The following LIG4 variants were observed in gnomAD, a reference collection of about 807,000 sequenced individuals.
The protein encoded by LIG4 is DNA joinase.
In LIG4, 13 loss-of-function variants were observed where a neutral mutation model predicts 19.0. The ratio of observed to expected loss-of-function variants is 0.68; its 90% CI spans 0.44 to 1.09. The LOEUF (loss-of-function observed/expected upper bound fraction) is 1.09. Ranked by LOEUF, LIG4 falls within the 50% of genes least tolerant of loss-of-function variation. The pLI is 0.00. For synonymous variants in LIG4, 361 were observed against 358.2 expected (o/e 1.01, Z -0.09); for missense variants, 1,026 against 1,089.7 (o/e 0.94, Z 0.82).
At chr13:108,217,142 G>A (rs1040585862), upstream of LIG4, among the ~76,000 whole-genome samples, 4 of 152,170 alleles carry the variant, frequency 2.6e-5, no homozygotes, top group Admixed American at 6.5e-5. Flanking sequence ...ACTTTAAGAG[G>A]CTGAGGTGAG....
intron 2 of LIG4, among the ~76,000 whole-genome samples, chr13:108,213,271 A>G (rs1402357531): frequency 3.9e-5 from 6 of 152,210 alleles, no homozygotes; most frequent in Non-Finnish European, 8.8e-5. Context: ...AGGGTACACA[A>G]TGCTATATCT....
At position 108,211,314 on chromosome 13, in the gene LIG4, G is replaced by T. The variant is rs1342739234; in HGVS notation, c.-28-18C>A. 7.4e-7 allele frequency: 1 copy of T among 1,351,968 alleles called. No individual in the cohort carries two copies. The highest frequency in any genetic ancestry group is 1.7e-5 in the Admixed American group (1 of 58,456). The allele number at this position is 1,351,968 out of a possible 1,614,324, so 83.7% of individuals were successfully genotyped here. On this transcript the variant is annotated intron_variant, in intron 2 of 2. Transcript: ENST00000442234. ...TCGTTTAACTAGTAAAGCAAAAAGAGAATAACTTTAAGTAAAAGATAAGAT... is the reference window on the plus strand; with the variant it reads ...TCGTTTAACTAGTAAAGCAAAAAGATAATAACTTTAAGTAAAAGATAAGAT...
rs772634633 is a variant in LIG4 at position 108,209,749 on chromosome 13, C to T, written c.1520G>A (p.Gly507Glu). 1 of 1,614,086 alleles carries T rather than the reference C, an allele frequency of 6.2e-7. No homozygotes were observed. The highest frequency in any genetic ancestry group is 8.5e-7 in the Non-Finnish European group (1 of 1,180,000). Residue 507 changes from glycine (G) to glutamate (E), a missense_variant, in exon 3 of 3, where the codon GGG becomes GAG. By Grantham distance (98) the Gly-to-Glu change is moderately conservative. This residue lies in a region of LIG4 where 521 missense variants were observed against 515.5 expected (regional missense o/e 1.01). Transcript: ENST00000442234. Reference protein sequence around the residue: ...PSVFHTLSRVGSGCTMKELYD... With the variant: ...PSVFHTLSRVESGCTMKELYD... ...CAGTTCTTTCATGGTGCAGCCAGAC[C>T]CAACACGAGAGAGAGTATGAAACAC... is the stretch of plus-strand genomic sequence containing the variant.
At position 108,210,865 on chromosome 13, in the gene LIG4, G is replaced by C; in HGVS notation, c.404C>G (p.Pro135Arg). 1 of 1,613,912 alleles carries C rather than the reference G, an allele frequency of 6.2e-7. No individual in the cohort carries two copies. The highest frequency in any genetic ancestry group is 8.5e-7 in the Non-Finnish European group (1 of 1,179,958). The stretch of plus-strand genomic sequence containing the variant: ...TAAACTTCCTTTCTGTAAACATCTT[G>C]GCTTCAACACAAAATATGCAATCAT... ...FAMIAYFVLK[P>R]RCLQKGSLTI... The change falls in exon 3 of 3, where the codon CCA becomes CGA. Residue 135 changes from proline to arginine, a missense_variant. Around this residue, in one of 3 missense-constraint regions of LIG4, gnomAD observed 493 missense variants for 544.5 expected, o/e 0.91. Coordinates refer to ENST00000442234, the MANE Select transcript of LIG4 (RefSeq NM_206937.2).
At chr13:108,211,987 A>T (rs1346746278) in intron 2 of LIG4, among the ~76,000 whole-genome samples, 3 of 152,052 alleles carry the variant, frequency 2.0e-5, no homozygotes, top group Non-Finnish European at 4.4e-5. Flanking sequence ...CCTACCCATA[A>T]AATCCTCACT....
rs769385484 is a variant in LIG4 at position 108,209,763 on chromosome 13, A to G, written c.1506T>C (p.Thr502=). 2 of 1,614,136 alleles carry G rather than the reference A, an allele frequency of 1.2e-6. No individual in the cohort carries two copies. The highest frequency in any genetic ancestry group is 1.1e-5 in the South Asian group (1 of 91,082). The change falls in exon 3 of 3, where the codon ACT becomes ACC. Residue 502 remains threonine, a synonymous_variant. Coordinates refer to ENST00000442234, the MANE Select transcript of LIG4 (RefSeq NM_206937.2). ...TGCAGCCAGACCCAACACGAGAGAG[A>G]GTATGAAACACAGATGGCTTCTCAC... The part of the protein sequence containing the change: ...PPGEKPSVFH[T]LSRVGSGCTM...
chr13:108,214,896 C>T (rs1331286586), intron 1 of LIG4: 2 of 124,928 alleles, frequency 1.6e-5, no homozygotes, highest in African/African-American at 3.1e-5. Flanking sequence ...TCAGGCCCCC[C>T]GCCTGACGTC....
At chr13:108,214,417 T>C (rs1458665703) in intron 2 of LIG4, 121 bp downstream of exon 2, 2 of 152,036 alleles carry the variant, frequency 1.3e-5, no homozygotes, top group Non-Finnish European at 2.9e-5. Context: ...GCCTAAAGTC[T>C]CTCCCGCTCC....
rs562275994 is a variant in LIG4, at chr13:108,214,819, C to T, written c.-101-209G>A. 541 of 151,732 alleles carry T rather than the reference C, an allele frequency of 3.6e-3. 2 individuals carry two copies. The highest frequency in any genetic ancestry group is 5.2e-3 in the Non-Finnish European group (356 of 68,146). 9.4% of individuals were successfully genotyped at this position (151,732 alleles called of 1,614,324 possible). ...CCCATCACCTGCCGCTGCACAAACA[C>T]CCTGCTTGCTGCCCCCATAGACCGA... On this transcript the variant is annotated intron_variant, in intron 1 of 2. Transcript: ENST00000442234.
chr13:108,214,221 T>C (rs1878970630), intron 2 of LIG4, among the ~76,000 whole-genome samples: 1 of 152,190 alleles, frequency 6.6e-6, no homozygotes, highest in Non-Finnish European at 1.5e-5. Context: ...CATGCAACCC[T>C]TGACAAGCTG....
In LIG4 at chr13:108,209,613, A is replaced by G. The variant is rs543175901; in HGVS notation, c.1656T>C (p.Cys552=). Residue 552 remains cysteine (C), a synonymous_variant, in exon 3 of 3, where the codon TGT becomes TGC. Coordinates refer to ENST00000442234, the MANE Select transcript of LIG4 (RefSeq NM_206937.2). ...TEKPEVYIEP[C]NSVIVQIKAA... ...CTTTAATCTGAACAATGACAGAATT[A>G]CAAGGTTCAATGTATACTTCTGGCT... is the stretch of plus-strand genomic sequence containing the variant. 3 of 1,614,186 alleles carry G rather than the reference A, an allele frequency of 1.9e-6. No homozygotes were observed. The highest frequency in any genetic ancestry group is 1.7e-5 in the Admixed American group (1 of 60,026).
In LIG4 at chr13:108,210,094, ATAC is replaced by A. The variant is rs775835184; in HGVS notation, c.1172_1174del (p.Ser391del). The A allele has an allele frequency of 3.2e-5, 51 of 1,613,288 alleles. No individual in the cohort carries two copies. Among genetic ancestry groups the A allele is most frequent in the African/African-American group, 4.0e-5 (3 of 74,918 alleles). On this transcript the variant is annotated inframe_deletion, in exon 3 of 3. Transcript: ENST00000442234. ...TATTCTACCTGGAATTGGTGTAAAA[ATAC>A]TACTAAGAATCTCATACCTCTTTCT...
upstream of LIG4, among the ~76,000 whole-genome samples, chr13:108,216,525 A>G (rs996074764): frequency 3.3e-5 from 5 of 152,256 alleles, no homozygotes; most frequent in Admixed American, 2.6e-4. Context: ...GTCTAGCCCA[A>G]GAACATTCAG....
chr13:108,217,759 G>C (rs1169903273), upstream of LIG4, among the ~76,000 whole-genome samples: 1 of 151,980 alleles, frequency 6.6e-6, no homozygotes. Context: ...TAAAATAGGG[G>C]ACATAGAATA....
Position 108,211,257 on chromosome 13 carries a change from T to C in LIG4, c.12A>G (p.Ser4=). 6.2e-7 allele frequency: 1 copy of C among 1,612,190 alleles called. No homozygotes were observed. Among genetic ancestry groups the C allele is most frequent in the Non-Finnish European group, 8.5e-7 (1 of 1,179,620 alleles). Residue 4 remains serine (S), a synonymous_variant, in exon 3 of 3, where the codon TCA becomes TCG. Coordinates refer to ENST00000442234, the MANE Select transcript of LIG4 (RefSeq NM_206937.2). MAA[S]QTSQTVASHV... Reference sequence around the variant, plus strand: ...GAGATGCAACAGTTTGTGAAGTTTGTGAGGCAGCCATCAAAGCGGTGATGA... The same window carrying C: ...GAGATGCAACAGTTTGTGAAGTTTGCGAGGCAGCCATCAAAGCGGTGATGA...
Position 108,210,275 on chromosome 13 carries a change from T to A in LIG4, c.994A>T (p.Met332Leu). Residue 332 changes from methionine to leucine, a missense_variant, in exon 3 of 3, where the codon ATG becomes TTG. This residue lies in a region of LIG4 where 493 missense variants were observed against 544.5 expected (regional missense o/e 0.91). Transcript: ENST00000442234. ...TGTGTATTAGGATTATAGGCCATCA[T>A]CTCACCATCAAGAATACAGATTTGT... ...DIQICILDGE[M>L]MAYNPNTQTF... 3.7e-6 allele frequency: 6 copies of A among 1,613,992 alleles called. No individual in the cohort carries two copies. In the South Asian group the frequency reaches 6.6e-5, roughly 18 times the overall value.
Position 108,210,131 on chromosome 13 carries a change from C to T in LIG4, c.1138G>A (p.Glu380Lys). 3 of 1,613,780 alleles carry T rather than the reference C, an allele frequency of 1.9e-6. No individual in the cohort carries two copies. Among genetic ancestry groups the T allele is most frequent in the African/African-American group, 1.3e-5 (1 of 75,050 alleles). The stretch of plus-strand genomic sequence containing the variant: ...ATCTCATACCTCTTTCTCAGAGTCT[C>T]ATGCCCTAGCTTTTTATTATTAACC... Reference protein sequence around the residue: ...LMVNNKKLGHETLRKRYEILS... With the variant: ...LMVNNKKLGHKTLRKRYEILS... The change falls in exon 3 of 3, where the codon GAG becomes AAG. Residue 380 changes from glutamate (E) to lysine (K), a missense_variant. Glu to Lys is a moderately conservative substitution (Grantham distance 56). This residue lies in a region of LIG4 where 493 missense variants were observed against 544.5 expected (regional missense o/e 0.91). Transcript: ENST00000442234.
rs1412712261 is a variant in LIG4, at chr13:108,209,502, C to T, written c.1767G>A (p.Glu589=). 2.5e-6 allele frequency: 4 copies of T among 1,614,024 alleles called. No homozygotes were observed. Among genetic ancestry groups the T allele is most frequent in the Non-Finnish European group, 3.4e-6 (4 of 1,180,028 alleles). The part of the protein sequence containing the change: ...PRIEKIRDDK[E]WHECMTLDDL... ...CGTCCAGGGTCATGCACTCATGCCACTCCTTGTCATCTCTTATCTTTTCAA... is the reference window on the plus strand; with the variant it reads ...CGTCCAGGGTCATGCACTCATGCCATTCCTTGTCATCTCTTATCTTTTCAA... The change falls in exon 3 of 3, where the codon GAG becomes GAA. Residue 589 remains glutamate, a synonymous_variant. Transcript: ENST00000442234.
upstream of LIG4, among the ~76,000 whole-genome samples, chr13:108,216,952 T>G (rs1412799934): frequency 6.6e-6 from 1 of 152,224 alleles, no homozygotes; most frequent in Non-Finnish European, 1.5e-5. Context: ...TGATTATTAA[T>G]TTATTTATGT....
Sources: allele counts gnomAD v4.1 joint callset (sites outside exome capture counted in the v4.1 genomes callset), GRCh38; gene constraint gnomAD v4.1.1; regional missense constraint gnomAD v4.1.1; transcripts MANE v1.5; gene names NCBI Gene and HGNC (gene_info 2026-07-23, HGNC 2026-07-21).